Variants in SIN3B observed in about 807,000 individuals in gnomAD.
SIN3B encodes the protein paired amphipathic helix protein Sin3b.
Under a neutral mutation model 120.2 loss-of-function variants are expected in SIN3B, and 19 were observed. That is an observed-to-expected ratio of 0.16 (90% CI 0.11 to 0.23). The LOEUF (loss-of-function observed/expected upper bound fraction) is 0.23, where lower values mean the gene tolerates loss of function less well. Ranked by LOEUF, SIN3B falls within the 10% of genes least tolerant of loss-of-function variation. The pLI, the probability that SIN3B is intolerant of heterozygous loss-of-function variation, is 1.00. For synonymous variants in SIN3B, 654 were observed against 653.2 expected (o/e 1.00, Z -0.02); for missense variants, 1,073 against 1,573.0 (o/e 0.68, Z 5.38).
chr19:16,866,270 C>G lies in SIN3B; in HGVS notation c.1623-103C>G, dbSNP rs1599608709. On this transcript the variant is annotated intron_variant, in intron 11 of 18. Transcript: ENST00000248054. ...GCTGGGAGCTGGCTGGGCCTGGGTC[C>G]TGGACCCCCAGTCAAGTCCCAGAGG... 8 of 1,211,102 alleles carry G rather than the reference C, an allele frequency of 6.6e-6. No individual in the cohort carries two copies. In the East Asian group the frequency reaches 1.4e-4, roughly 22 times the overall value. 75.0% of individuals were successfully genotyped at this position (1,211,102 alleles called of 1,614,324 possible).
chr19:16,854,291 G>A, intron 8 of SIN3B, 30 bp downstream of exon 8: 1 of 1,463,474 alleles, frequency 6.8e-7, no homozygotes, highest in Non-Finnish European at 9.5e-7. Context: ...GGGCTCCCTA[G>A]GGGGGTTCTG....
At position 16,876,398 on chromosome 19, in the gene SIN3B, A is replaced by AAGGCGGG; in HGVS notation, c.2767-80_2767-74dup. The stretch of plus-strand genomic sequence containing the variant: ...GCATCAGGGCTTTGGGAGGGTGGCA[A>AAGGCGGG]AGGCGGGAGGCGGGTGGCCTTGCGA... On this transcript the variant is annotated intron_variant, in intron 15 of 18. Coordinates refer to ENST00000248054, the MANE Select transcript of SIN3B (RefSeq NM_001297595.2). This position sits in a 1 kb window ranked among gnomAD's most constrained non-coding sequence, Gnocchi z 7.1. The AAGGCGGG allele has an allele frequency of 6.9e-7, 1 of 1,456,468 alleles. No homozygotes were observed. Among genetic ancestry groups the AAGGCGGG allele is most frequent in the African/African-American group, 1.4e-5 (1 of 72,168 alleles). The allele number at this position is 1,456,468 out of a possible 1,614,324, so 90.2% of individuals were successfully genotyped here. A position where few individuals can be genotyped will look rare whatever the true frequency, so the allele number is the denominator to read the frequency against.
chr19:16,875,247 G>A (rs562625925), intron 14 of SIN3B, among the ~76,000 whole-genome samples: 2 of 143,002 alleles, frequency 1.4e-5, no homozygotes, highest in East Asian at 4.3e-4. Flanking sequence ...GGTCTGTTTG[G>A]TCTGGTCTGG....
intron 13 of SIN3B, among the ~76,000 whole-genome samples, chr19:16,870,745 A>C (rs2051500063): frequency 6.6e-6 from 1 of 151,926 alleles, no homozygotes; most frequent in African/African-American, 2.4e-5. Flanking sequence ...AGTGGAGACG[A>C]GGTTTCACCA....
chr19:16,861,044 C>G (rs961603559), intron 8 of SIN3B, among the ~76,000 whole-genome samples: 2 of 152,166 alleles, frequency 1.3e-5, no homozygotes, highest in Non-Finnish European at 2.9e-5. Flanking sequence ...ACCACCAGGT[C>G]TGATACTATT....
intron 14 of SIN3B, among the ~76,000 whole-genome samples, chr19:16,873,197 G>A (rs570722084): frequency 5.9e-5 from 9 of 152,276 alleles, no homozygotes; most frequent in African/African-American, 2.2e-4. Flanking sequence ...TGGCCGTTGG[G>A]ACATCTTTTC....
At chr19:16,865,744 G>A (rs1171397131) in intron 11 of SIN3B, 96 bp downstream of exon 11, 8 of 826,250 alleles carry the variant, frequency 9.7e-6, no homozygotes, top group Non-Finnish European at 1.5e-5. Context: ...CCCTTGGAGA[G>A]CTCATTAGTG....
chr19:16,853,760 G>A (rs1051650942), intron 7 of SIN3B, among the ~76,000 whole-genome samples: 4 of 150,164 alleles, frequency 2.7e-5, no homozygotes, highest in African/African-American at 9.9e-5. Flanking sequence ...CTGCATGGAC[G>A]CGTGCAGGGG....
At chr19:16,865,693 T>TCCCC (rs1971761624) in intron 11 of SIN3B, 45 bp downstream of exon 11, 4 of 1,009,170 alleles carry the variant, frequency 4.0e-6, no homozygotes, top group African/African-American at 4.8e-5. Flanking sequence ...CCCTTCCCCC[T>TCCCC]TCCCTCCCCT....
Position 16,839,586 on chromosome 19 carries a change from A to G in SIN3B, c.382-2182A>G, listed in dbSNP as rs532606206. On this transcript the variant is annotated intron_variant, in intron 3 of 18. Coordinates refer to ENST00000248054, the MANE Select transcript of SIN3B (RefSeq NM_001297595.2). ...TGCCTCTGAAACAGACCTTGGCTCCATGCTGCTTCCCTACATACCCACACC... is the reference window on the plus strand; with the variant it reads ...TGCCTCTGAAACAGACCTTGGCTCCGTGCTGCTTCCCTACATACCCACACC... 3.3e-5 allele frequency among the ~76,000 whole-genome samples: 5 copies of G among 152,216 alleles called. No homozygotes were observed. In the South Asian group the frequency reaches 8.3e-4, roughly 25 times the overall value.
intron 8 of SIN3B, among the ~76,000 whole-genome samples, chr19:16,861,730 C>T (rs1279933611): frequency 6.6e-6 from 1 of 150,794 alleles, no homozygotes; most frequent in African/African-American, 2.4e-5. Context: ...GCCATTGCAC[C>T]CCAGCCTGGG....
intron 3 of SIN3B, among the ~76,000 whole-genome samples, chr19:16,841,418 G>A (rs936849101): frequency 7.2e-5 from 11 of 152,146 alleles, no homozygotes; most frequent in Non-Finnish European, 1.0e-4. Flanking sequence ...GGAGGCGTGG[G>A]AGACTTCTCT....
intron 5 of SIN3B, among the ~76,000 whole-genome samples, chr19:16,848,558 C>T (rs940147885): frequency 2.0e-5 from 3 of 151,548 alleles, no homozygotes; most frequent in Admixed American, 1.3e-4. Flanking sequence ...AGTGCAGTGG[C>T]GTAATTGATC....
rs756379983 is a variant in SIN3B at position 16,876,431 on chromosome 19, C to T, written c.2767-55C>T. On this transcript the variant is annotated intron_variant, in intron 15 of 18. Coordinates refer to ENST00000248054, the MANE Select transcript of SIN3B (RefSeq NM_001297595.2). The surrounding 1 kb of genome is among the most constrained non-coding windows in gnomAD (Gnocchi z 7.1). ...AGGCGGGTGGCCTTGCGAGCCTGCG[C>T]TGTGCCGGCTGGGCTGTGCCGGCAG... 137 of 1,580,616 alleles carry T rather than the reference C, an allele frequency of 8.7e-5. 1 individual carries two copies. Among genetic ancestry groups the T allele is most frequent in the Non-Finnish European group, 1.1e-4 (131 of 1,154,276 alleles).
intron 14 of SIN3B, among the ~76,000 whole-genome samples, chr19:16,872,071 A>G (rs1568426301): frequency 6.6e-6 from 1 of 152,090 alleles, no homozygotes; most frequent in Non-Finnish European, 1.5e-5. Context: ...TAAACAGCAG[A>G]CGTCCCAGAC....
At chr19:16,831,688 G>C in intron 3 of SIN3B, 41 bp downstream of exon 3, 2 of 1,600,592 alleles carry the variant, frequency 1.2e-6, no homozygotes, top group Non-Finnish European at 1.7e-6. Context: ...AGCCTTCACC[G>C]AGTATGTCTT....
chr19:16,872,792 T>A (rs1470089550), intron 14 of SIN3B: 1 of 152,164 alleles, frequency 6.6e-6, no homozygotes, highest in African/African-American at 2.4e-5. Flanking sequence ...TCGAGCTGTG[T>A]GTTAACAGCA....
intron 10 of SIN3B, 106 bp from the exon 11 acceptor site, chr19:16,865,304 A>ACCCCCCCCC: frequency 2.2e-6 from 1 of 462,308 alleles, no homozygotes; most frequent in Non-Finnish European, 4.0e-6. Context: ...TTAAATACAC[A>ACCCCCCCCC]CACCCCCCCC....
In SIN3B at chr19:16,879,072, T is replaced by A; in HGVS notation, c.*345T>A. On this transcript the variant is annotated 3_prime_UTR_variant, in exon 19 of 19. Transcript: ENST00000248054. ...TGGCTCCTGCCCCATATTCTTGCCG[T>A]GTCTTGGAAAAGTCACAGGTGACAG... The A allele has an allele frequency of 3.0e-6, 1 of 332,376 alleles. No individual in the cohort carries two copies. Among genetic ancestry groups the A allele is most frequent in the South Asian group, 5.2e-5 (1 of 19,052 alleles). The allele number at this position is 332,376 out of a possible 1,614,324, so 20.6% of individuals were successfully genotyped here. A position where few individuals can be genotyped will look rare whatever the true frequency, so the allele number is the denominator to read the frequency against.
Sources: allele counts gnomAD v4.1 joint callset (sites outside exome capture counted in the v4.1 genomes callset), GRCh38; gene constraint gnomAD v4.1.1; non-coding constraint Gnocchi (gnomAD v3.1); transcripts MANE v1.5; gene names NCBI Gene and HGNC (gene_info 2026-07-23, HGNC 2026-07-21).